The following ANKRD27 variants were observed in gnomAD, a reference collection of about 807,000 sequenced individuals.
ANKRD27 encodes ankyrin repeat domain-containing protein 27.
Under a neutral mutation model 129.7 loss-of-function variants are expected in ANKRD27, and 112 were observed. The observed-to-expected ratio is 0.86, with a 90% CI of 0.74 to 1.01. The LOEUF (loss-of-function observed/expected upper bound fraction) is 1.01, where lower values mean the gene tolerates loss of function less well. ANKRD27 is among the 50% of genes least tolerant of loss of function. ANKRD27 has a pLI of 0.00. For missense variants in ANKRD27, 1,258 were observed against 1,300.5 expected (o/e 0.97, Z 0.50); for synonymous variants, 516 against 511.2 (o/e 1.01, Z -0.13).
chr19:32,648,709 A>G (rs901185123), intron 3 of ANKRD27, among the ~76,000 whole-genome samples: 7 of 151,736 alleles, frequency 4.6e-5, no homozygotes, highest in African/African-American at 1.7e-4. Context: ...CTGAGGCAGG[A>G]GAATGGCGTG....
intron 22 of ANKRD27, 109 bp from the exon 23 acceptor site, chr19:32,607,941 A>C: frequency 9.0e-7 from 1 of 1,109,120 alleles, no homozygotes; most frequent in Non-Finnish European, 1.3e-6. Flanking sequence ...ATGCGGGATC[A>C]TGGCGGGATC....
chr19:32,665,418 T>C (rs993705307), intron 1 of ANKRD27, among the ~76,000 whole-genome samples: 9 of 151,552 alleles, frequency 5.9e-5, no homozygotes, highest in African/African-American at 2.2e-4. Flanking sequence ...GCCTCCCAAG[T>C]AGCTGGGATT....
chr19:32,657,821 A>C (rs115112497), intron 2 of ANKRD27, among the ~76,000 whole-genome samples: 2,249 of 151,886 alleles, frequency 0.015, 45 homozygotes, highest in East Asian at 0.051. Flanking sequence ...GTAAAAACAC[A>C]AAAATTAGCT....
intron 1 of ANKRD27, among the ~76,000 whole-genome samples, chr19:32,670,782 T>C (rs959989340): frequency 6.7e-6 from 1 of 150,008 alleles, no homozygotes; most frequent in Admixed American, 6.7e-5. Context: ...TCACTTGAGA[T>C]GGAGTTCAAG....
At chr19:32,650,014 C>T (rs1427573827) in intron 2 of ANKRD27, among the ~76,000 whole-genome samples, 1 of 152,116 alleles carries the variant, frequency 6.6e-6, no homozygotes, top group Non-Finnish European at 1.5e-5. Context: ...CAGCCTCACC[C>T]CACCACAGGC....
At chr19:32,604,489 G>A in intron 24 of ANKRD27, 65 bp from the exon 25 acceptor site, 1 of 1,453,934 alleles carries the variant, frequency 6.9e-7, no homozygotes, top group East Asian at 2.4e-5. Context: ...TCTGGCTGTG[G>A]GTATACAGGT....
chr19:32,644,544 C>A (rs751119299), intron 4 of ANKRD27, 65 bp from the exon 5 acceptor site: 19 of 1,577,614 alleles, frequency 1.2e-5, no homozygotes, highest in Non-Finnish European at 1.6e-5. Flanking sequence ...CTGTCCTATC[C>A]TACAGGGCCT....
chr19:32,650,585 G>A (rs1238021257), intron 2 of ANKRD27, among the ~76,000 whole-genome samples: 2 of 151,720 alleles, frequency 1.3e-5, no homozygotes, highest in Admixed American at 6.6e-5. Context: ...TACTCGGGAG[G>A]TTGTGCTTCA....
At chr19:32,611,274 C>G (rs1476284603) in intron 22 of ANKRD27, among the ~76,000 whole-genome samples, 1 of 152,150 alleles carries the variant, frequency 6.6e-6, no homozygotes, top group African/African-American at 2.4e-5. Flanking sequence ...GTACTGAGGG[C>G]CCGAGGGCTT....
In ANKRD27 at chr19:32,628,067, G is replaced by T. The variant is rs775152282; in HGVS notation, c.1420+16C>A. Reference sequence around the variant, plus strand: ...TTGCTGTGACAGCCCCTAGGGGCCAGCCCAGGACCACATACCACAGACAGC... The same window carrying T: ...TTGCTGTGACAGCCCCTAGGGGCCATCCCAGGACCACATACCACAGACAGC... On this transcript the variant is annotated intron_variant, in intron 15 of 28. Transcript: ENST00000306065. The T allele has an allele frequency of 8.1e-6, 13 of 1,613,220 alleles. No homozygotes were observed. Among genetic ancestry groups the T allele is most frequent in the African/African-American group, 1.3e-5 (1 of 74,928 alleles).
chr19:32,600,974 T>C (rs927246916), intron 26 of ANKRD27, among the ~76,000 whole-genome samples: 1 of 152,154 alleles, frequency 6.6e-6, no homozygotes, highest in African/African-American at 2.4e-5. Flanking sequence ...GTTTTAATTA[T>C]AATCAACCTC....
At chr19:32,623,223 T>C (rs734771) in intron 17 of ANKRD27, among the ~76,000 whole-genome samples, 8,017 of 152,252 alleles carry the variant, frequency 0.053, 713 homozygotes, top group African/African-American at 0.18. Flanking sequence ...AGAGGCCTGC[T>C]TGCAAGACTG....
chr19:32,652,175 A>G (rs1249649865), intron 2 of ANKRD27, among the ~76,000 whole-genome samples: 1 of 152,250 alleles, frequency 6.6e-6, no homozygotes, highest in African/African-American at 2.4e-5. Flanking sequence ...TTCCAGAGTT[A>G]CCGGCATAGA....
At chr19:32,645,255 T>C (rs1568413092) in intron 4 of ANKRD27, among the ~76,000 whole-genome samples, 1 of 151,634 alleles carries the variant, frequency 6.6e-6, no homozygotes, top group Non-Finnish European at 1.5e-5. Flanking sequence ...CTACTAAAAA[T>C]AAAAAAATTA....
chr19:32,632,653 G>C (rs866775539), intron 12 of ANKRD27, among the ~76,000 whole-genome samples: 1 of 150,176 alleles, frequency 6.7e-6, no homozygotes, highest in East Asian at 1.9e-4. Context: ...ATCATTTCTC[G>C]CAAGACAGTT....
At chr19:32,652,370 A>G (rs1599767347) in intron 2 of ANKRD27, among the ~76,000 whole-genome samples, 1 of 152,168 alleles carries the variant, frequency 6.6e-6, no homozygotes, top group African/African-American at 2.4e-5. Context: ...CAGGTGGATC[A>G]CCTGAGGTCA....
Position 32,643,203 on chromosome 19 carries a change from A to G in ANKRD27, c.706-4T>C, listed in dbSNP as rs1403569225. 3 of 1,614,150 alleles carry G rather than the reference A, an allele frequency of 1.9e-6. No homozygotes were observed. The highest frequency in any genetic ancestry group is 2.5e-6 in the Non-Finnish European group (3 of 1,180,038). On this transcript the variant is annotated splice_polypyrimidine_tract_variant and splice_region_variant and intron_variant, in intron 8 of 28. Transcript: ENST00000306065. ...TGATTTTGTTAAAGGCCGCATCCTA[A>G]CAACAGATTTTAACGAACCTTCAAA... is the stretch of plus-strand genomic sequence containing the variant.
At chr19:32,658,833 T>C in intron 2 of ANKRD27, 81 bp downstream of exon 2, 2 of 1,197,536 alleles carry the variant, frequency 1.7e-6, no homozygotes, top group South Asian at 2.5e-5. Flanking sequence ...TATAACAAAC[T>C]CCCTCCAAAC....
intron 25 of ANKRD27, among the ~76,000 whole-genome samples, chr19:32,603,596 T>C (rs1349530665): frequency 6.6e-6 from 1 of 152,200 alleles, no homozygotes; most frequent in Non-Finnish European, 1.5e-5. Context: ...TGGAGTGCAG[T>C]GGCACAATCT....
Sources: allele counts gnomAD v4.1 joint callset (sites outside exome capture counted in the v4.1 genomes callset), GRCh38; gene constraint gnomAD v4.1.1; transcripts MANE v1.5; gene names NCBI Gene and HGNC (gene_info 2026-07-23, HGNC 2026-07-21).